Variants in CCT5 observed in about 807,000 individuals in gnomAD.
CCT5 encodes the protein T-complex protein 1 subunit epsilon.
Under a neutral mutation model 55.0 loss-of-function variants are expected in CCT5, and 6 were observed. That is an observed-to-expected ratio of 0.11 (90% CI 0.06 to 0.22). CCT5 has a LOEUF of 0.22. Among genes scored for constraint, CCT5 ranks in the 10% least tolerant of loss-of-function variants. The probability of loss-of-function intolerance (pLI) is 1.00; values close to 1 mark genes in which losing one functional copy is unlikely to be tolerated. For missense variants in CCT5, 560 were observed against 694.6 expected, an observed-to-expected ratio of 0.81 and a Z score of 2.18; for synonymous variants, 231 against 243.7, an observed-to-expected ratio of 0.95 and a Z score of 0.49.
intron 8 of CCT5, chr5:10,262,280 T>G (rs887539413): frequency 3.3e-6 from 2 of 612,086 alleles, no homozygotes; most frequent in African/African-American, 3.7e-5. Flanking sequence ...TATCCTAGAA[T>G]GAGTCACTGG....
In CCT5 at chr5:10,256,100, A is replaced by T. The variant is rs758040141; in HGVS notation, c.477A>T (p.Ile159=). The T allele has an allele frequency of 6.2e-7, 1 of 1,613,960 alleles. No homozygotes were observed. Among genetic ancestry groups the T allele is most frequent in the South Asian group, 1.1e-5 (1 of 91,072 alleles). ...DKISDSVLVD[I]KDTEPLIQTA... is the part of the protein sequence containing the mutation. ...TCAGCGATAGCGTCCTTGTTGACAT[A>T]AAGGACACCGAACCCCTGATTCAGA... Residue 159 remains isoleucine (I), a synonymous_variant, in exon 4 of 11, where the codon ATA becomes ATT. Coordinates refer to ENST00000280326, the MANE Select transcript of CCT5 (RefSeq NM_012073.5).
At position 10,265,525 on chromosome 5, in the gene CCT5, T is replaced by G. The variant is rs2126523588; in HGVS notation, c.*742T>G. ...AGGGAGAAATCTTGCAGTTACCATG[T>G]TCAGATAGAGTGACTGAAATTAATT... On this transcript the variant is annotated 3_prime_UTR_variant, in exon 11 of 11. Transcript: ENST00000280326. 1 of 152,436 alleles carries G rather than the reference T, an allele frequency of 6.6e-6. No individual in the cohort carries two copies. Among genetic ancestry groups the G allele is most frequent in the South Asian group, 2.1e-4 (1 of 4,824 alleles). The allele number at this position is 152,436 out of a possible 1,614,324, so 9.4% of individuals were successfully genotyped here.
chr5:10,249,922 A>G, upstream of CCT5: 1 of 1,386,502 alleles, frequency 7.2e-7, no homozygotes, highest in East Asian at 3.3e-5. Flanking sequence ...AAAAAAAAAA[A>G]AAAAAAAAAA....
intron 4 of CCT5, 27 bp from the exon 5 acceptor site, chr5:10,258,084 A>G (rs1230574696): frequency 1.2e-6 from 2 of 1,611,638 alleles, no homozygotes; most frequent in Non-Finnish European, 1.7e-6. Flanking sequence ...GAAACCAATG[A>G]AGTTTGTTTT....
chr5:10,263,238 G>A lies in CCT5; in HGVS notation c.1422G>A (p.Met474Ile). 1.2e-6 allele frequency: 2 copies of A among 1,614,172 alleles called. No individual in the cohort carries two copies. The highest frequency in any genetic ancestry group is 1.7e-6 in the Non-Finnish European group (2 of 1,180,038). The change falls in exon 10 of 11, where the codon ATG becomes ATA. Residue 474 changes from methionine (M) to isoleucine (I), a missense_variant. Around this residue, in one of 4 missense-constraint regions of CCT5, gnomAD observed 115 missense variants for 105.0 expected, o/e 1.10. Transcript: ENST00000280326. The part of the protein sequence containing the change: ...ENSGMNPIQT[M>I]TEVRARQVKE... ...GTGGCATGAATCCCATCCAGACTAT[G>A]ACCGAAGTCCGAGCCAGACAGGTGA... is the stretch of plus-strand genomic sequence containing the variant.
At chr5:10,251,534 T>C (rs1329463139) in intron 1 of CCT5, among the ~76,000 whole-genome samples, 1 of 152,208 alleles carries the variant, frequency 6.6e-6, no homozygotes, top group Non-Finnish European at 1.5e-5. Flanking sequence ...ACTTAGTGTC[T>C]TGGAGGTTTA....
chr5:10,261,485 C>T, intron 7 of CCT5, 75 bp from the exon 8 acceptor site: 10 of 1,440,270 alleles, frequency 6.9e-6, no homozygotes, highest in Non-Finnish European at 9.8e-6. Context: ...TCAAGTTTTG[C>T]TCATTTGTGG....
At chr5:10,250,192 CG>C, upstream of CCT5, 1 of 1,544,464 alleles carries the variant, frequency 6.5e-7, no homozygotes, top group East Asian at 2.4e-5. Flanking sequence ...TACTGTCTGG[CG>C]TGAAATTAGT....
chr5:10,251,641 A>G (rs1184713395), intron 1 of CCT5, among the ~76,000 whole-genome samples: 1 of 151,936 alleles, frequency 6.6e-6, no homozygotes, highest in Admixed American at 6.6e-5. Flanking sequence ...TTCCAGGGGG[A>G]GGTGATAGGC....
Position 10,263,277 on chromosome 5 carries a change from T to C in CCT5, c.1461T>C (p.Pro487=). 1 of 1,608,798 alleles carries C rather than the reference T, an allele frequency of 6.2e-7. No homozygotes were observed. Among genetic ancestry groups the C allele is most frequent in the Non-Finnish European group, 8.5e-7 (1 of 1,177,872 alleles). Reference sequence around the variant, plus strand: ...CCAGACAGGTGAAGGAGATGAACCCTGCTCTTGGCATCGACTGTTTGCACA... The same window carrying C: ...CCAGACAGGTGAAGGAGATGAACCCCGCTCTTGGCATCGACTGTTTGCACA... The part of the protein sequence containing the change: ...VRARQVKEMN[P]ALGIDCLHKG... Residue 487 remains proline, a synonymous_variant, in exon 10 of 11, where the codon CCT becomes CCC. Transcript: ENST00000280326.
chr5:10,254,596 G>A, intron 2 of CCT5, 78 bp from the exon 3 acceptor site: 1 of 1,226,560 alleles, frequency 8.2e-7, no homozygotes, highest in Non-Finnish European at 1.2e-6. Context: ...TAAGAGCTGG[G>A]TCAGGAGGTC....
intron 8 of CCT5, chr5:10,262,160 G>A: frequency 2.5e-6 from 1 of 406,270 alleles, no homozygotes; most frequent in South Asian, 2.1e-5. Context: ...TAGAAAAAGG[G>A]AACCCAAGTG....
chr5:10,264,453 G>GTGC (rs1308787204), intron 10 of CCT5: 1 of 547,590 alleles, frequency 1.8e-6, no homozygotes, highest in Non-Finnish European at 3.3e-6. Context: ...TCTTTACCAG[G>GTGC]TGCGAGTTCC....
intron 7 of CCT5, 23 bp downstream of exon 7, chr5:10,260,934 A>C: frequency 6.2e-7 from 1 of 1,613,410 alleles, no homozygotes; most frequent in Non-Finnish European, 8.5e-7. Context: ...ACGTGAAGAG[A>C]CTTTGAGAAG....
intron 4 of CCT5, chr5:10,257,892 T>A: frequency 1.7e-6 from 1 of 588,996 alleles, no homozygotes; most frequent in Non-Finnish European, 3.0e-6. Context: ...AAAGATGTAA[T>A]TTTTTCCTAT....
At chr5:10,249,931 A>AAC (rs1561039999), upstream of CCT5, 10 of 649,774 alleles carry the variant, frequency 1.5e-5, no homozygotes, top group South Asian at 3.9e-5. Context: ...AAAAAAAAAA[A>AAC]AAACCGGAAA....
chr5:10,258,556 C>T lies in CCT5; in HGVS notation c.873+21C>T, dbSNP rs369144339. 3.2e-4 allele frequency: 522 copies of T among 1,606,678 alleles called. 1 individual carries two copies. Among genetic ancestry groups the T allele is most frequent in the Non-Finnish European group, 4.2e-4 (494 of 1,173,676 alleles). On this transcript the variant is annotated intron_variant, in intron 6 of 10. Coordinates refer to ENST00000280326, the MANE Select transcript of CCT5 (RefSeq NM_012073.5). ...AACAAGTAAGTCTTACCAGAGTCCTCAGTGGAATTTAAACTCCCAAAGGGT... is the reference window on the plus strand; with the variant it reads ...AACAAGTAAGTCTTACCAGAGTCCTTAGTGGAATTTAAACTCCCAAAGGGT...
chr5:10,250,615 A>T, intron 1 of CCT5, 170 bp downstream of exon 1: 1 of 1,446,550 alleles, frequency 6.9e-7, no homozygotes, highest in South Asian at 1.4e-5. Flanking sequence ...AGCTCGGGAG[A>T]CGCCGGCGCC....
chr5:10,256,278 T>C, intron 4 of CCT5, 125 bp downstream of exon 4: 1 of 867,382 alleles, frequency 1.2e-6, no homozygotes, highest in East Asian at 2.7e-5. Context: ...TTTTGATTAC[T>C]TGGTTTTGCT....
Sources: allele counts gnomAD v4.1 joint callset (sites outside exome capture counted in the v4.1 genomes callset), GRCh38; gene constraint gnomAD v4.1.1; regional missense constraint gnomAD v4.1.1; transcripts MANE v1.5; gene names NCBI Gene and HGNC (gene_info 2026-07-23, HGNC 2026-07-21).